Variants in POLI observed in about 807,000 individuals in gnomAD.
POLI encodes the protein RAD30 homolog B.
In POLI, 58 loss-of-function variants were observed where a neutral mutation model predicts 51.6. The ratio of observed to expected loss-of-function variants is 1.12; its 90% CI spans 0.91 to 1.40. The LOEUF (loss-of-function observed/expected upper bound fraction) is 1.40, where lower values mean the gene tolerates loss of function less well. Ranked by LOEUF, POLI falls within the 40% of genes most tolerant of loss-of-function variation. POLI has a pLI of 0.00. For synonymous variants in POLI, 322 were observed against 299.7 expected (o/e 1.07, Z -0.77); for missense variants, 921 against 871.3 (o/e 1.06, Z -0.72).
chr18:54,289,820 A>G (rs1195845014), intron 8 of POLI, among the ~76,000 whole-genome samples: 1 of 152,174 alleles, frequency 6.6e-6, no homozygotes, highest in Admixed American at 6.5e-5. Flanking sequence ...CTTATACAAA[A>G]GTTAACTCAA....
At position 54,297,046 on chromosome 18, in the gene POLI, G is replaced by A; in HGVS notation, c.*2579G>A. ...TGAGTTCGTTGCTTCTCTGGGTGAG[G>A]TGGTACAAACTCCTTGGCATACTCT... On this transcript the variant is annotated 3_prime_UTR_variant, in exon 10 of 10. Transcript: ENST00000579534. 18 of 985,394 alleles carry A rather than the reference G, an allele frequency of 1.8e-5. No individual in the cohort carries two copies. The highest frequency in any genetic ancestry group is 2.2e-5 in the Non-Finnish European group (18 of 829,914). 61.0% of individuals were successfully genotyped at this position (985,394 alleles called of 1,614,324 possible). A position where few individuals can be genotyped will look rare whatever the true frequency, so the allele number is the denominator to read the frequency against.
At position 54,277,817 on chromosome 18, in the gene POLI, C is replaced by T; in HGVS notation, c.521C>T (p.Ser174Phe). 1 of 1,612,914 alleles carries T rather than the reference C, an allele frequency of 6.2e-7. No individual in the cohort carries two copies. Reference protein sequence around the residue: ...RLQQLQSDELSAVTVSGHVYN... With the variant: ...RLQQLQSDELFAVTVSGHVYN... ...CAGCAGCTGCAAAGTGATGAACTTT[C>T]TGCGGTGACTGTGTCGGGTCATGTA... The change falls in exon 4 of 10, where the codon TCT becomes TTT. Residue 174 changes from serine to phenylalanine, a missense_variant. Transcript: ENST00000579534.
chr18:54,317,734 A>G (rs985125513), intron 3 of POLI, among the ~76,000 whole-genome samples: 4 of 152,098 alleles, frequency 2.6e-5, no homozygotes, highest in African/African-American at 9.7e-5. Flanking sequence ...GTGTGGTGGC[A>G]TATGCCTGTA....
chr18:54,280,620 A>G lies in POLI; in HGVS notation c.560-47A>G, dbSNP rs773056308. 8 of 1,293,874 alleles carry G rather than the reference A, an allele frequency of 6.2e-6. No homozygotes were observed. The Middle Eastern group carries it at 1.1e-3, about 182-fold the overall frequency. 80.1% of individuals were successfully genotyped at this position (1,293,874 alleles called of 1,614,324 possible). On this transcript the variant is annotated intron_variant, in intron 4 of 9. Coordinates refer to ENST00000579534, the MANE Select transcript of POLI (RefSeq NM_007195.3). ...TTTTAAAAATTATTTTGTGAAAAAG[A>G]AAAAGGTTTTTCTTGTGACTTTGAA...
chr18:54,291,535 T>G, intron 8 of POLI: 1 of 215,080 alleles, frequency 4.6e-6, no homozygotes, highest in Non-Finnish European at 9.2e-6. Flanking sequence ...TGTTTGCCTT[T>G]GGTTCATTTC....
Position 54,293,810 on chromosome 18 carries a change from A to T in POLI, c.1566A>T (p.Ser522=). Residue 522 remains serine (S), a synonymous_variant, in exon 10 of 10, where the codon TCA becomes TCT. Transcript: ENST00000579534. The stretch of plus-strand genomic sequence containing the variant: ...ACATTAATGAATTCCCACTCTGTTC[A>T]CTTCCTGAAGGTGTTGACCAAGAAG... ...EKDINEFPLC[S]LPEGVDQEVF... is the part of the protein sequence containing the mutation. 1 of 1,609,128 alleles carries T rather than the reference A, an allele frequency of 6.2e-7. No homozygotes were observed. The highest frequency in any genetic ancestry group is 8.5e-7 in the Non-Finnish European group (1 of 1,177,184).
At position 54,269,530 on chromosome 18, in the gene POLI, C is replaced by T. The variant is rs1444772056; in HGVS notation, c.-17C>T. 2.7e-6 allele frequency: 4 copies of T among 1,506,568 alleles called. No homozygotes were observed. Among genetic ancestry groups the T allele is most frequent in the Non-Finnish European group, 3.5e-6 (4 of 1,131,892 alleles). 93.3% of individuals were successfully genotyped at this position (1,506,568 alleles called of 1,614,324 possible). ...GCGGAAGCGGCCGGAAGTAGCGCTG[C>T]GGTTGGCAGCGGCGGGATGGAGAAG... On this transcript the variant is annotated 5_prime_UTR_variant, in exon 1 of 10. Transcript: ENST00000579534.
Position 54,297,782 on chromosome 18 carries a change from T to C in POLI, c.*3315T>C, listed in dbSNP as rs483971. On this transcript the variant is annotated 3_prime_UTR_variant, in exon 10 of 10. Transcript: ENST00000579534. ...GAAATAACATTAATTCTAATTAAAT[T>C]CCACAAGTTCTTTATTAAATCTCCA... The C allele has an allele frequency of 0.06, 57,481 of 958,216 alleles. 1,841 individuals are homozygous for C. Among genetic ancestry groups the C allele is most frequent in the African/African-American group, 0.083 (4,704 of 56,750 alleles). The allele number at this position is 958,216 out of a possible 1,614,324, so 59.4% of individuals were successfully genotyped here.
chr18:54,280,745 A>G lies in POLI; in HGVS notation c.638A>G (p.Tyr213Cys), dbSNP rs2087460080. ...QIAAEMREAMYNQLGLTGCAG... is the reference protein window; with the variant it reads ...QIAAEMREAMCNQLGLTGCAG... ...GCAGCAGAGATGCGGGAAGCCATGT[A>G]TAATCAGTTGGGGCTCACTGGCTGT... Residue 213 changes from tyrosine to cysteine, a missense_variant, in exon 5 of 10, where the codon TAT becomes TGT. Physicochemically the swap from Tyr to Cys is radical, Grantham distance 194 (BLOSUM62 -2). Transcript: ENST00000579534. The G allele has an allele frequency of 6.2e-7, 1 of 1,613,930 alleles. No homozygotes were observed. The highest frequency in any genetic ancestry group is 8.5e-7 in the Non-Finnish European group (1 of 1,179,782).
At chr18:54,299,832 A>G (rs147441528), downstream of POLI, among the ~76,000 whole-genome samples, 897 of 152,330 alleles carry the variant, frequency 5.9e-3, 6 homozygotes, top group African/African-American at 0.018. Flanking sequence ...TAACCTAATC[A>G]GAGCTCTTAA....
At chr18:54,301,530 G>A (rs751608408), downstream of POLI, among the ~76,000 whole-genome samples, 21 of 152,150 alleles carry the variant, frequency 1.4e-4, no homozygotes, top group Non-Finnish European at 2.6e-4. Flanking sequence ...ACCATACATT[G>A]GATTTTACAT....
rs1397341909 is a variant in POLI, at chr18:54,297,364, A to G, written c.*2897A>G. 2 of 977,952 alleles carry G rather than the reference A, an allele frequency of 2.0e-6. No homozygotes were observed. Among genetic ancestry groups the G allele is most frequent in the Non-Finnish European group, 2.4e-6 (2 of 827,246 alleles). 60.6% of individuals were successfully genotyped at this position (977,952 alleles called of 1,614,324 possible). A position where few individuals can be genotyped will look rare whatever the true frequency, so the allele number is the denominator to read the frequency against. On this transcript the variant is annotated 3_prime_UTR_variant, in exon 10 of 10. Coordinates refer to ENST00000579534, the MANE Select transcript of POLI (RefSeq NM_007195.3). ...TTTTATTTTTTCTGTTTCTCTCTTGAGTGTATAGTGTAGAGGGGGTTTCTG... is the reference window on the plus strand; with the variant it reads ...TTTTATTTTTTCTGTTTCTCTCTTGGGTGTATAGTGTAGAGGGGGTTTCTG...
rs939366014 is a variant in POLI, at chr18:54,294,991, T to C, written c.*524T>C. On this transcript the variant is annotated 3_prime_UTR_variant, in exon 10 of 10. Coordinates refer to ENST00000579534, the MANE Select transcript of POLI (RefSeq NM_007195.3). The stretch of plus-strand genomic sequence containing the variant: ...ACCAAAGCAATTTATATTCAATTAA[T>C]GCTTCTTCATACACCAAGAATCTAC... 2 of 984,994 alleles carry C rather than the reference T, an allele frequency of 2.0e-6. No individual in the cohort carries two copies. The highest frequency in any genetic ancestry group is 1.1e-4 in the East Asian group (1 of 8,832). 61.0% of individuals were successfully genotyped at this position (984,994 alleles called of 1,614,324 possible). A position where few individuals can be genotyped will look rare whatever the true frequency, so the allele number is the denominator to read the frequency against.
At chr18:54,320,810 ATT>A (rs34603554) in intron 4 of POLI, among the ~76,000 whole-genome samples, 22 of 148,826 alleles carry the variant, frequency 1.5e-4, no homozygotes, top group Admixed American at 5.3e-4. Flanking sequence ...AGGCTTTTCT[ATT>A]TTTTTTTTTA....
intron 3 of POLI, among the ~76,000 whole-genome samples, chr18:54,303,877 A>G (rs2088534229): frequency 6.6e-6 from 1 of 151,184 alleles, no homozygotes; most frequent in South Asian, 2.1e-4. Context: ...CTAGTCATTT[A>G]CATTAGGTAT....
intron 6 of POLI, 69 bp downstream of exon 6, chr18:54,283,084 T>C (rs2087588580): frequency 1.0e-6 from 1 of 999,768 alleles, no homozygotes; most frequent in East Asian, 2.6e-5. Flanking sequence ...TTTCTAGTTT[T>C]AGTACCATGT....
chr18:54,274,656 A>G (rs571347438), intron 3 of POLI, among the ~76,000 whole-genome samples: 3 of 152,202 alleles, frequency 2.0e-5, no homozygotes, highest in Non-Finnish European at 4.4e-5. Flanking sequence ...TACAGGAAAA[A>G]TGAAAATGAG....
intron 1 of POLI, 55 bp downstream of exon 1, chr18:54,269,716 G>A (rs1449406235): frequency 4.2e-6 from 6 of 1,423,050 alleles, no homozygotes; most frequent in Middle Eastern, 2.5e-4. Context: ...GAGAAGGGTG[G>A]GGCAGGCGGA....
At chr18:54,293,266 A>G (rs2088113510) in intron 9 of POLI, among the ~76,000 whole-genome samples, 1 of 151,926 alleles carries the variant, frequency 6.6e-6, no homozygotes. Flanking sequence ...TTGGAAAACT[A>G]GCCCTTGATG....
Sources: gnomAD v4.1 joint callset for allele counts (sites outside exome capture counted in the v4.1 genomes callset) on GRCh38, gnomAD v4.1.1 for gene constraint, MANE v1.5 for transcripts, NCBI Gene and HGNC (gene_info 2026-07-23, HGNC 2026-07-21) for gene names.